The following AGXT variants were observed in gnomAD, a reference collection of about 807,000 sequenced individuals.
The protein encoded by AGXT is L-alanine: glyoxylate aminotransferase 1.
A neutral mutation model predicts 46.9 loss-of-function variants in AGXT; 41 were observed. The observed-to-expected ratio is 0.88, with a 90% confidence interval of 0.68 to 1.14. AGXT has a LOEUF of 1.14. AGXT is among the 50% of genes most tolerant of loss of function. AGXT has a pLI of 0.00. For synonymous variants in AGXT, 244 were observed against 227.9 expected (o/e 1.07, Z -0.64); for missense variants, 525 against 522.7 (o/e 1.00, Z -0.04).
At chr2:240,878,617 C>T in intron 10 of AGXT, 97 bp from the exon 11 acceptor site, 2 of 1,181,456 alleles carry the variant, frequency 1.7e-6, no homozygotes, top group South Asian at 1.3e-5. Flanking sequence ...GGGTGGTCCT[C>T]ACTCAGGTGA....
chr2:240,869,167 C>A lies in AGXT; in HGVS notation c.166-3C>A. 1 of 1,466,380 alleles carries A rather than the reference C, an allele frequency of 6.8e-7. No homozygotes were observed. The allele number at this position is 1,466,380 out of a possible 1,614,324, so 90.8% of individuals were successfully genotyped here. A position where few individuals can be genotyped will look rare whatever the true frequency, so the allele number is the denominator to read the frequency against. On this transcript the variant is annotated splice_polypyrimidine_tract_variant and splice_region_variant and intron_variant, in intron 1 of 10. Transcript: ENST00000307503. ...GGTCTCACCCTATACCACCCGCATG[C>A]AGATCATGGACGAGATCAAGGAAGG...
At chr2:240,876,145 A>G (rs1392004974) in intron 8 of AGXT, 141 bp downstream of exon 8, 1 of 1,044,318 alleles carries the variant, frequency 9.6e-7, no homozygotes, top group African/African-American at 1.6e-5. Context: ...GGTGGGGGAG[A>G]GAGGACAGGG....
chr2:240,875,082 G>C, intron 6 of AGXT, 27 bp from the exon 7 acceptor site: 1 of 1,545,002 alleles, frequency 6.5e-7, no homozygotes, highest in Non-Finnish European at 9.0e-7. Context: ...TGAGAGGCTG[G>C]TGCTCAGCCT....
intron 3 of AGXT, 165 bp from the exon 4 acceptor site, chr2:240,871,184 G>A (rs1048629510): frequency 2.5e-5 from 17 of 670,850 alleles, no homozygotes; most frequent in East Asian, 1.4e-4. Flanking sequence ...CCCTTGTCCC[G>A]GAGCGGAGAT....
chr2:240,879,028 G>T lies in AGXT; in HGVS notation c.*207G>T. The T allele has an allele frequency of 1.6e-6, 1 of 613,722 alleles. No individual in the cohort carries two copies. 38.0% of individuals were successfully genotyped at this position (613,722 alleles called of 1,614,324 possible). A position where few individuals can be genotyped will look rare whatever the true frequency, so the allele number is the denominator to read the frequency against. ...CACCTCCTGGAAACAGTCCACTTGG[G>T]CGCAAAACCCAGTGCCTTCCAAATG... On this transcript the variant is annotated 3_prime_UTR_variant, in exon 11 of 11. Transcript: ENST00000307503.
intron 5 of AGXT, chr2:240,873,611 G>T: frequency 3.0e-6 from 1 of 331,606 alleles, no homozygotes; most frequent in South Asian, 3.5e-5. Context: ...TTTCTGCAGA[G>T]CCCCTCCTGA....
In AGXT at chr2:240,875,949, T is replaced by A; in HGVS notation, c.791T>A (p.Ile264Asn). ...GTGTCTTCCAGGTACCATCACACAA[T>A]CCCCGTCATCAGCCTGTACAGCCTG... is the stretch of plus-strand genomic sequence containing the variant. ...DDQPRMYHHT[I>N]PVISLYSLRE... Residue 264 changes from isoleucine (I) to asparagine (N), a missense_variant, in exon 8 of 11, where the codon ATC becomes AAC. Physicochemically the swap from Ile to Asn is moderately radical, Grantham distance 149 (BLOSUM62 -3). Coordinates refer to ENST00000307503, the MANE Select transcript of AGXT (RefSeq NM_000030.3). 6.2e-7 allele frequency: 1 copy of A among 1,613,918 alleles called. No individual in the cohort carries two copies. Among genetic ancestry groups the A allele is most frequent in the Non-Finnish European group, 8.5e-7 (1 of 1,179,962 alleles).
chr2:240,872,984 A>T lies in AGXT; in HGVS notation c.530A>T (p.Lys177Met), dbSNP rs1193697283. 6.2e-7 allele frequency: 1 copy of T among 1,613,740 alleles called. No individual in the cohort carries two copies. Among genetic ancestry groups the T allele is most frequent in the African/African-American group, 1.3e-5 (1 of 74,910 alleles). Residue 177 changes from lysine to methionine, a missense_variant, in exon 5 of 11, where the codon AAG (lysine) becomes ATG (methionine). By Grantham distance (95) the Lys-to-Met change is moderately conservative. Coordinates refer to ENST00000307503, the MANE Select transcript of AGXT (RefSeq NM_000030.3). ...DGFGELCHRY[K>M]CLLLVDSVAS... is the part of the protein sequence containing the mutation. ...TCTGTCCCCCACCTCTCCAGGTACA[A>T]GTGCCTGCTCCTGGTGGATTCGGTG...
At chr2:240,873,615 C>G (rs1199895698) in intron 5 of AGXT, 1 of 337,328 alleles carries the variant, frequency 3.0e-6, no homozygotes, top group Non-Finnish European at 5.5e-6. Context: ...TGCAGAGCCC[C>G]TCCTGATTTG....
At chr2:240,870,812 C>A in intron 3 of AGXT, 104 bp downstream of exon 3, 1 of 1,180,442 alleles carries the variant, frequency 8.5e-7, no homozygotes, top group Non-Finnish European at 1.2e-6. Context: ...GGATCATGGC[C>A]GGGAGGCTGG....
chr2:240,874,621 G>A (rs1016531737), intron 6 of AGXT, among the ~76,000 whole-genome samples: 3 of 152,220 alleles, frequency 2.0e-5, no homozygotes, highest in Admixed American at 6.5e-5. Context: ...GACGTGGGAG[G>A]TCTGAGATGC....
rs1445365731 is a variant in AGXT at position 240,879,780 on chromosome 2, G to C, written c.*959G>C. On this transcript the variant is annotated 3_prime_UTR_variant, in exon 11 of 11. Coordinates refer to ENST00000307503, the MANE Select transcript of AGXT (RefSeq NM_000030.3). ...CTGCCTCGGCCTCCCAAAGTGCTGG[G>C]ATTACAAGCGTGAGCCACTGTGCCC... 6.6e-6 allele frequency: 1 copy of C among 152,292 alleles called. No homozygotes were observed. Among genetic ancestry groups the C allele is most frequent in the Non-Finnish European group, 1.5e-5 (1 of 68,102 alleles). 9.4% of individuals were successfully genotyped at this position (152,292 alleles called of 1,614,324 possible). A position where few individuals can be genotyped will look rare whatever the true frequency, so the allele number is the denominator to read the frequency against.
In AGXT at chr2:240,871,815, C is replaced by T. The variant is rs571865377; in HGVS notation, c.524+366C>T. Among the ~76,000 whole-genome samples, 12 of 152,358 alleles carry T rather than the reference C, an allele frequency of 7.9e-5. No individual in the cohort carries two copies. The South Asian group carries it at 2.5e-3, about 32-fold the overall frequency. ...ATGCCCTCCACTTCCCTCCTCCAGCCTCCCTCATCCCCGCATGGGGGTGCA... is the reference window on the plus strand; with the variant it reads ...ATGCCCTCCACTTCCCTCCTCCAGCTTCCCTCATCCCCGCATGGGGGTGCA... On this transcript the variant is annotated intron_variant, in intron 4 of 10. Transcript: ENST00000307503.
intron 9 of AGXT, 54 bp downstream of exon 9, chr2:240,877,686 G>C (rs898348758): frequency 6.6e-7 from 1 of 1,524,126 alleles, no homozygotes; most frequent in Non-Finnish European, 8.9e-7. Flanking sequence ...AGGATGAGGG[G>C]CTCTTGCCCA....
At chr2:240,870,408 A>G (rs544425248) in intron 2 of AGXT, among the ~76,000 whole-genome samples, 125 of 152,244 alleles carry the variant, frequency 8.2e-4, no homozygotes, top group Non-Finnish European at 1.5e-3. Context: ...GAGCTCTGTC[A>G]AGAGTGCCCC....
At chr2:240,877,997 G>A (rs988192601) in intron 9 of AGXT, 25 bp from the exon 10 acceptor site, 22 of 1,607,846 alleles carry the variant, frequency 1.4e-5, no homozygotes, top group Non-Finnish European at 1.8e-5. Context: ...TCTCACCCAC[G>A]CACTGAGCCA....
In AGXT at chr2:240,869,157, C is replaced by G; in HGVS notation, c.166-13C>G. 3 of 1,613,482 alleles carry G rather than the reference C, an allele frequency of 1.9e-6. No individual in the cohort carries two copies. The South Asian group carries it at 3.3e-5, about 18-fold the overall frequency. On this transcript the variant is annotated splice_polypyrimidine_tract_variant and intron_variant, in intron 1 of 10. Coordinates refer to ENST00000307503, the MANE Select transcript of AGXT (RefSeq NM_000030.3). ...GGGGAGCCTGGGTCTCACCCTATAC[C>G]ACCCGCATGCAGATCATGGACGAGA...
Position 240,870,808 on chromosome 2 carries a change from T to C in AGXT, c.423+100T>C, listed in dbSNP as rs1156268633. 5.8e-6 allele frequency: 7 copies of C among 1,206,320 alleles called. No homozygotes were observed. In the African/African-American group the frequency reaches 1.1e-4, roughly 18 times the overall value. The allele number at this position is 1,206,320 out of a possible 1,614,324, so 74.7% of individuals were successfully genotyped here. On this transcript the variant is annotated intron_variant, in intron 3 of 10. Coordinates refer to ENST00000307503, the MANE Select transcript of AGXT (RefSeq NM_000030.3). ...TTGGCCAGCCAGCAGGGTGGGATCA[T>C]GGCCGGGAGGCTGGTGGCTGACCCT...
At chr2:240,878,240 G>T in intron 10 of AGXT, 90 bp downstream of exon 10, 10 of 1,554,750 alleles carry the variant, frequency 6.4e-6, no homozygotes, top group Non-Finnish European at 8.7e-6. Context: ...AGGGGAGGCC[G>T]GGGTCATCCG....
Sources: allele counts gnomAD v4.1 joint callset (sites outside exome capture counted in the v4.1 genomes callset), GRCh38; gene constraint gnomAD v4.1.1; transcripts MANE v1.5; gene names NCBI Gene and HGNC (gene_info 2026-07-23, HGNC 2026-07-21).